PRDM16: variants seen among roughly 807,000 people sequenced by gnomAD.
PRDM16 encodes PR/SET domain 16, also known as histone-lysine N-methyltransferase PRDM16.
A neutral mutation model predicts 110.6 loss-of-function variants in PRDM16; 23 were observed. The observed-to-expected ratio is 0.21, with a 90% CI of 0.15 to 0.29. PRDM16 has a LOEUF of 0.29. PRDM16 is among the 10% of genes least tolerant of loss of function. The pLI is 1.00. For missense variants in PRDM16, 1,615 were observed against 1,794.3 expected (o/e 0.90, Z 1.81); for synonymous variants, 799 against 781.8 (o/e 1.02, Z -0.37).
chr1:3,394,147 C>A (rs1428639965), intron 4 of PRDM16, among the ~76,000 whole-genome samples: 1 of 151,990 alleles, frequency 6.6e-6, no homozygotes, highest in Non-Finnish European at 1.5e-5. Flanking sequence ...TTTCCTTCCG[C>A]AGCGCCGCGG....
Position 3,081,635 on chromosome 1 carries a change from C to G in PRDM16, c.37+12339C>G, listed in dbSNP as rs1396104242. Among the ~76,000 whole-genome samples the G allele has an allele frequency of 6.6e-6, 1 of 152,168 alleles. No homozygotes were observed. Among genetic ancestry groups the G allele is most frequent in the Non-Finnish European group, 1.5e-5 (1 of 68,026 alleles). On this transcript the variant is annotated intron_variant, in intron 1 of 16. Transcript: ENST00000270722. This position sits in a 1 kb window ranked among gnomAD's most constrained non-coding sequence, Gnocchi z 4.6. Reference sequence around the variant, plus strand: ...CACGGGGGGTGAGCAGTGGGCAGCTCCAGGAAGCCTTGCTGTGGACTGGGC... The same window carrying G: ...CACGGGGGGTGAGCAGTGGGCAGCTGCAGGAAGCCTTGCTGTGGACTGGGC...
At chr1:3,239,722 G>C (rs1023436290) in intron 2 of PRDM16, among the ~76,000 whole-genome samples, 10 of 152,230 alleles carry the variant, frequency 6.6e-5, no homozygotes, top group Non-Finnish European at 1.3e-4. Flanking sequence ...GCCAAGGCAG[G>C]AGAATTGCTT....
intron 3 of PRDM16, among the ~76,000 whole-genome samples, chr1:3,322,562 G>A (rs1159847899): frequency 6.6e-6 from 1 of 151,926 alleles, no homozygotes. Flanking sequence ...GGCCACCACT[G>A]TCTCAGGAGC....
At chr1:3,351,371 G>A (rs1365342192) in intron 3 of PRDM16, among the ~76,000 whole-genome samples, 1 of 151,788 alleles carries the variant, frequency 6.6e-6, no homozygotes, top group Non-Finnish European at 1.5e-5. Flanking sequence ...TCCATCCAGG[G>A]CCCACGTGGG....
At position 3,114,525 on chromosome 1, in the gene PRDM16, C is replaced by CGCACACAT. The variant is rs1195193109; in HGVS notation, c.37+45239_37+45246dup. 2.1e-3 allele frequency among the ~76,000 whole-genome samples: 314 copies of CGCACACAT among 152,088 alleles called. 1 individual carries two copies. The highest frequency in any genetic ancestry group is 7.3e-3 in the African/African-American group (303 of 41,454). On this transcript the variant is annotated intron_variant, in intron 1 of 16. Transcript: ENST00000270722. ...GCGCATGCACACACACATGAACACA[C>CGCACACAT]GCACACATGCACACATGAACACACA...
At chr1:3,178,401 G>A (rs1345686872) in intron 1 of PRDM16, among the ~76,000 whole-genome samples, 4 of 152,152 alleles carry the variant, frequency 2.6e-5, no homozygotes, top group Non-Finnish European at 5.9e-5. Flanking sequence ...CGAGCTCTGC[G>A]GAGAGGTGGT....
chr1:3,405,462 C>T (rs1643546187), intron 7 of PRDM16, 33 bp from the exon 8 acceptor site: 2 of 1,520,670 alleles, frequency 1.3e-6, no homozygotes, highest in South Asian at 2.6e-5. Context: ...GGTGTCCAGG[C>T]AGGGCACGCG....
chr1:3,416,840 G>A (rs577078781), intron 10 of PRDM16, among the ~76,000 whole-genome samples: 34 of 152,322 alleles, frequency 2.2e-4, no homozygotes, highest in Non-Finnish European at 3.1e-4. Context: ...ACCCCTCAGG[G>A]GATGATGAAC....
intron 3 of PRDM16, among the ~76,000 whole-genome samples, chr1:3,267,770 T>C (rs1640329504): frequency 6.6e-6 from 1 of 152,020 alleles, no homozygotes; most frequent in East Asian, 1.9e-4. Flanking sequence ...GAGCCGCTTC[T>C]CCATCCCGCG....
At chr1:3,179,742 C>T (rs1644129188) in intron 1 of PRDM16, among the ~76,000 whole-genome samples, 1 of 152,214 alleles carries the variant, frequency 6.6e-6, no homozygotes, top group African/African-American at 2.4e-5. Flanking sequence ...TTGCCCTGCT[C>T]ACCAGGCACT....
At chr1:3,166,086 T>C (rs1643953113) in intron 1 of PRDM16, among the ~76,000 whole-genome samples, 1 of 152,262 alleles carries the variant, frequency 6.6e-6, no homozygotes, top group Non-Finnish European at 1.5e-5. Context: ...TGGTCTTTCC[T>C]GTTCCTGGGT....
chr1:3,229,748 G>A (rs2100882341), intron 2 of PRDM16, among the ~76,000 whole-genome samples: 1 of 152,284 alleles, frequency 6.6e-6, no homozygotes. Context: ...AAAAAAGAAG[G>A]GAGGCGAGCA....
At chr1:3,234,721 T>C (rs1458853996) in intron 2 of PRDM16, among the ~76,000 whole-genome samples, 2 of 152,148 alleles carry the variant, frequency 1.3e-5, no homozygotes, top group African/African-American at 4.8e-5. Context: ...ATGTAGCAGC[T>C]CGGTAAATTC....
In PRDM16 at chr1:3,422,644, G is replaced by A. The variant is rs114840275; in HGVS notation, c.2940-2937G>A. Among the ~76,000 whole-genome samples, 722 of 152,362 alleles carry A rather than the reference G, an allele frequency of 4.7e-3. 4 individuals carry two copies. The highest frequency in any genetic ancestry group is 0.016 in the African/African-American group (679 of 41,590). The stretch of plus-strand genomic sequence containing the variant: ...GGGGATGTGAGAAAATGCATTGGAG[G>A]GTGTAAAATCCCTCCTTTCTGGGAG... On this transcript the variant is annotated intron_variant, in intron 12 of 16. Transcript: ENST00000270722.
chr1:3,276,270 C>T (rs1640580137), intron 3 of PRDM16, among the ~76,000 whole-genome samples: 2 of 152,360 alleles, frequency 1.3e-5, no homozygotes, highest in African/African-American at 2.4e-5. Context: ...CGGCCCCCGC[C>T]ATCCTCGCCA....
chr1:3,156,086 C>G (rs546594422), intron 1 of PRDM16, among the ~76,000 whole-genome samples: 17 of 152,276 alleles, frequency 1.1e-4, no homozygotes, highest in African/African-American at 3.6e-4. Flanking sequence ...CACCGATATT[C>G]TTGGGGAAGG....
At chr1:3,281,103 T>C (rs548190928) in intron 3 of PRDM16, among the ~76,000 whole-genome samples, 14 of 152,336 alleles carry the variant, frequency 9.2e-5, no homozygotes, top group African/African-American at 3.1e-4. Flanking sequence ...GTGGGGCCAT[T>C]GGCATTCTGG....
chr1:3,299,989 G>A (rs1641173782), intron 3 of PRDM16, among the ~76,000 whole-genome samples: 1 of 98,984 alleles, frequency 1.0e-5, no homozygotes, highest in African/African-American at 3.0e-5. Flanking sequence ...TCAGATCCCA[G>A]TCATGGTGGC....
At chr1:3,117,897 C>T (rs1209799596) in intron 1 of PRDM16, among the ~76,000 whole-genome samples, 1 of 152,200 alleles carries the variant, frequency 6.6e-6, no homozygotes, top group Non-Finnish European at 1.5e-5. Flanking sequence ...CACAGATTCA[C>T]CGGCTACAAG....
Sources: gnomAD v4.1 joint callset for allele counts (sites outside exome capture counted in the v4.1 genomes callset) on GRCh38, gnomAD v4.1.1 for gene constraint, Gnocchi (gnomAD v3.1) non-coding constraint, MANE v1.5 for transcripts, NCBI Gene and HGNC (gene_info 2026-07-23, HGNC 2026-07-21) for gene names.